POM121: variants seen among roughly 807,000 people sequenced by gnomAD.
POM121 encodes the protein nuclear envelope pore membrane protein POM 121.
Under a neutral mutation model 81.3 loss-of-function variants are expected in POM121, and 32 were observed. The ratio of observed to expected loss-of-function variants is 0.39; its 90% CI spans 0.30 to 0.53. The LOEUF (loss-of-function observed/expected upper bound fraction) is 0.53, where lower values mean the gene tolerates loss of function less well. POM121 is among the 20% of genes least tolerant of loss of function. POM121 has a pLI of 0.66. For synonymous variants in POM121, 514 were observed against 694.2 expected (o/e 0.74, Z 4.08); for missense variants, 1,138 against 1,614.6 (o/e 0.70, Z 5.06).
chr7:72,943,584 C>T (rs2129580616), intron 11 of POM121, 62 bp downstream of exon 11: 1 of 1,560,896 alleles, frequency 6.4e-7, no homozygotes, highest in South Asian at 1.2e-5. Flanking sequence ...CCTGCGAAGC[C>T]TGTGGTCTCG....
At chr7:72,917,007 T>C (rs1215339303) in intron 4 of POM121, among the ~76,000 whole-genome samples, 4 of 152,236 alleles carry the variant, frequency 2.6e-5, no homozygotes, top group Non-Finnish European at 5.9e-5. Context: ...GATTTGTGAC[T>C]GTCATTGAAA....
chr7:72,908,148 C>G (rs1254341202), intron 3 of POM121, among the ~76,000 whole-genome samples: 2 of 152,190 alleles, frequency 1.3e-5, no homozygotes, highest in African/African-American at 2.4e-5. Context: ...TACATATCTT[C>G]AATGATGTCG....
At chr7:72,935,605 C>T (rs1489168827) in intron 5 of POM121, among the ~76,000 whole-genome samples, 3 of 151,774 alleles carry the variant, frequency 2.0e-5, no homozygotes, top group South Asian at 2.1e-4. Flanking sequence ...CTCAGACTTC[C>T]GAGTAGCTGA....
chr7:72,880,301 G>A (rs1369236674), intron 1 of POM121, among the ~76,000 whole-genome samples: 2 of 152,184 alleles, frequency 1.3e-5, no homozygotes, highest in Non-Finnish European at 2.9e-5. Context: ...CTCTGCTGCT[G>A]CCTCAGTTGC....
At chr7:72,903,470 A>G (rs2129575772) in intron 3 of POM121, among the ~76,000 whole-genome samples, 1 of 152,316 alleles carries the variant, frequency 6.6e-6, no homozygotes, top group East Asian at 1.9e-4. Context: ...GAGTATTATA[A>G]TGGGGTAACT....
intron 3 of POM121, among the ~76,000 whole-genome samples, chr7:72,909,549 T>TG (rs1303120033): frequency 6.6e-6 from 1 of 152,258 alleles, no homozygotes; most frequent in African/African-American, 2.4e-5. Context: ...GCACTTTCTG[T>TG]GGCCAGCAGG....
downstream of POM121, chr7:72,949,186 G>A: frequency 8.2e-7 from 1 of 1,221,016 alleles, no homozygotes; most frequent in Non-Finnish European, 1.2e-6. Flanking sequence ...TCGCTTCACA[G>A]AGGAGAACTT....
At chr7:72,949,925 G>C (rs1554504428), downstream of POM121, 3 of 1,612,712 alleles carry the variant, frequency 1.9e-6, no homozygotes, top group Admixed American at 3.3e-5. Flanking sequence ...ATGGGAGCCT[G>C]GCGGGGGTCC....
At chr7:72,931,202 T>C (rs1795987542) in intron 5 of POM121, among the ~76,000 whole-genome samples, 1 of 152,170 alleles carries the variant, frequency 6.6e-6, no homozygotes, top group African/African-American at 2.4e-5. Context: ...ATATGCAAAC[T>C]TTTCCAGCTT....
intron 3 of POM121, among the ~76,000 whole-genome samples, chr7:72,907,345 C>T (rs1383845277): frequency 2.6e-5 from 4 of 151,982 alleles, no homozygotes; most frequent in African/African-American, 4.8e-5. Context: ...TTGAGAACCA[C>T]GTGAGATAAT....
downstream of POM121, chr7:72,949,060 G>T (rs782411796): frequency 1.2e-6 from 2 of 1,613,352 alleles, no homozygotes; most frequent in Non-Finnish European, 1.7e-6. Context: ...CACCGGGCTA[G>T]GTGTCCCTGC....
chr7:72,948,526 G>A (rs1554503883), downstream of POM121: 4 of 1,612,930 alleles, frequency 2.5e-6, no homozygotes, highest in Non-Finnish European at 3.4e-6. Context: ...GCAGCTTTTT[G>A]CTCTCTTCTT....
chr7:72,896,177 C>T (rs1483686916), intron 3 of POM121, among the ~76,000 whole-genome samples: 1 of 151,638 alleles, frequency 6.6e-6, no homozygotes, highest in South Asian at 2.1e-4. Flanking sequence ...AAATGAGTTC[C>T]AGTTTAAAAA....
At chr7:72,896,253 G>A (rs1209323094) in intron 3 of POM121, among the ~76,000 whole-genome samples, 5 of 152,082 alleles carry the variant, frequency 3.3e-5, no homozygotes, top group African/African-American at 9.7e-5. Context: ...CGGTGGTCAA[G>A]GTGGGCAGAT....
At chr7:72,945,755 G>C (rs781862203) in intron 12 of POM121, 47 bp downstream of exon 12, 10 of 1,576,722 alleles carry the variant, frequency 6.3e-6, no homozygotes, top group Non-Finnish European at 8.6e-6. Context: ...TCTGAGGAGG[G>C]GTTGGGCGGG....
At chr7:72,944,593 C>T (rs1383666320) in intron 11 of POM121, among the ~76,000 whole-genome samples, 3 of 152,130 alleles carry the variant, frequency 2.0e-5, no homozygotes, top group Non-Finnish European at 1.5e-5. Flanking sequence ...CTAAGGTCAG[C>T]GGACAGCTGG....
At chr7:72,948,925 T>C (rs138398938), downstream of POM121, 4,693 of 1,611,714 alleles carry the variant, frequency 2.9e-3, 184 homozygotes, top group African/African-American at 0.047. Flanking sequence ...CAGCGCATCT[T>C]GTACCATGTC....
chr7:72,924,928 C>T (rs1563153407), upstream of POM121: 1 of 1,026,344 alleles, frequency 9.7e-7, no homozygotes, highest in Non-Finnish European at 1.3e-6. Flanking sequence ...CTGGGAGCCA[C>T]GCGGAAAACC....
At position 72,941,948 on chromosome 7, in the gene POM121, C is replaced by G. The variant is rs1554501116; in HGVS notation, c.1955C>G (p.Ser652Cys). The G allele has an allele frequency of 6.3e-7, 1 of 1,583,596 alleles. No individual in the cohort carries two copies. The highest frequency in any genetic ancestry group is 2.3e-5 in the East Asian group (1 of 43,868). The change falls in exon 11 of 13, where the codon TCC (serine) becomes TGC (cysteine). Residue 652 changes from serine (S) to cysteine (C), a missense_variant. Around this residue, in one of 7 missense-constraint regions of POM121, gnomAD observed 25 missense variants for 214.1 expected, o/e 0.12. Coordinates refer to ENST00000434423, the MANE Select transcript of POM121 (RefSeq NM_001387691.1). Reference sequence around the variant, plus strand: ...CCGCCAGGGCTGCTCCCCAGCCCCTCCTTTGACTCCAAACCCCCGACCACT... The same window carrying G: ...CCGCCAGGGCTGCTCCCCAGCCCCTGCTTTGACTCCAAACCCCCGACCACT... The part of the protein sequence containing the change: ...SGPPGLLPSP[S>C]FDSKPPTTLL...
Sources: allele counts gnomAD v4.1 joint callset (sites outside exome capture counted in the v4.1 genomes callset), GRCh38; gene constraint gnomAD v4.1.1; regional missense constraint gnomAD v4.1.1; transcripts MANE v1.5; gene names NCBI Gene and HGNC (gene_info 2026-07-23, HGNC 2026-07-21).